SLC10A7: variants seen among roughly 807,000 people sequenced by gnomAD.
SLC10A7 encodes the protein solute carrier family 10 member 7.
Under a neutral mutation model 43.2 loss-of-function variants are expected in SLC10A7, and 29 were observed. That is an observed-to-expected ratio of 0.67 (90% CI 0.50 to 0.92). The LOEUF is 0.92. SLC10A7 is among the 40% of genes least tolerant of loss of function. The pLI is 0.00. For missense variants in SLC10A7, 295 were observed against 403.2 expected, an observed-to-expected ratio of 0.73 and a Z score of 2.30; for synonymous variants, 152 against 144.8, an observed-to-expected ratio of 1.05 and a Z score of -0.35.
At chr4:146,368,690 CAT>C (rs908129258) in intron 5 of SLC10A7, among the ~76,000 whole-genome samples, 5 of 152,174 alleles carry the variant, frequency 3.3e-5, no homozygotes, top group Admixed American at 3.3e-4. Flanking sequence ...CTTTGAGTAA[CAT>C]ATTTTTATCA....
intron 4 of SLC10A7, among the ~76,000 whole-genome samples, chr4:146,488,719 T>C (rs1579317577): frequency 6.6e-6 from 1 of 152,190 alleles, no homozygotes; most frequent in Non-Finnish European, 1.5e-5. Flanking sequence ...CACAAGACTG[T>C]GGCTGTTAAA....
chr4:146,286,295 TGA>T (rs1191535977), intron 9 of SLC10A7, among the ~76,000 whole-genome samples: 1 of 54,638 alleles, frequency 1.8e-5, no homozygotes. Flanking sequence ...TGAGAAGGAC[TGA>T]GTTTGGAGTG....
At chr4:146,466,259 G>C (rs1560935830) in intron 4 of SLC10A7, among the ~76,000 whole-genome samples, 1 of 152,140 alleles carries the variant, frequency 6.6e-6, no homozygotes, top group Non-Finnish European at 1.5e-5. Context: ...TCCAGAAGAA[G>C]ATGTTTAATA....
intron 5 of SLC10A7, among the ~76,000 whole-genome samples, chr4:146,412,860 T>C (rs1166855354): frequency 6.6e-6 from 1 of 152,098 alleles, no homozygotes; most frequent in African/African-American, 2.4e-5. Flanking sequence ...TTATTATATC[T>C]GTTGTCTGTT....
intron 5 of SLC10A7, among the ~76,000 whole-genome samples, chr4:146,391,317 G>T (rs1738410729): frequency 6.6e-6 from 1 of 152,146 alleles, no homozygotes; most frequent in Non-Finnish European, 1.5e-5. Flanking sequence ...AACAATGTCA[G>T]GTCTCCATTT....
At chr4:146,309,036 G>T (rs1333309631) in intron 6 of SLC10A7, among the ~76,000 whole-genome samples, 1 of 152,082 alleles carries the variant, frequency 6.6e-6, no homozygotes, top group African/African-American at 2.4e-5. Flanking sequence ...GCTGAGGTCG[G>T]TGTGCACGCC....
At chr4:146,377,850 A>T (rs538208630) in intron 5 of SLC10A7, among the ~76,000 whole-genome samples, 29 of 152,196 alleles carry the variant, frequency 1.9e-4, no homozygotes, top group Admixed American at 3.9e-4. Flanking sequence ...TCTTTTGAAT[A>T]AAAAAAATAC....
chr4:146,358,861 T>C (rs1179860324), intron 5 of SLC10A7, among the ~76,000 whole-genome samples: 1 of 152,166 alleles, frequency 6.6e-6, no homozygotes, highest in East Asian at 1.9e-4. Flanking sequence ...TGATGAACAT[T>C]TGCATTCATT....
At chr4:146,349,995 A>C (rs1734919983) in intron 5 of SLC10A7, among the ~76,000 whole-genome samples, 1 of 152,102 alleles carries the variant, frequency 6.6e-6, no homozygotes, top group Non-Finnish European at 1.5e-5. Flanking sequence ...ATAAAAGTTG[A>C]AATTAAAAAA....
intron 5 of SLC10A7, among the ~76,000 whole-genome samples, chr4:146,344,119 T>G (rs1734450222): frequency 6.6e-6 from 1 of 152,056 alleles, no homozygotes; most frequent in South Asian, 2.1e-4. Context: ...AAATCAGTTC[T>G]TGAAAGATAA....
intron 5 of SLC10A7, among the ~76,000 whole-genome samples, chr4:146,413,861 TA>T (rs1283598427): frequency 7.2e-5 from 11 of 152,188 alleles, no homozygotes; most frequent in African/African-American, 2.4e-4. Flanking sequence ...GAGATTTTTC[TA>T]AAGTCCTTAA....
chr4:146,445,354 A>G (rs1730955881), intron 4 of SLC10A7, among the ~76,000 whole-genome samples: 1 of 152,128 alleles, frequency 6.6e-6, no homozygotes, highest in South Asian at 2.1e-4. Flanking sequence ...GCGAGCACAC[A>G]AGCAAACGGG....
chr4:146,286,513 T>G (rs1729964611), intron 9 of SLC10A7, among the ~76,000 whole-genome samples: 1 of 151,272 alleles, frequency 6.6e-6, no homozygotes. Context: ...GGACTGTGTT[T>G]GGAGTGGTGA....
chr4:146,289,706 G>GTTTTTT (rs776153195), intron 9 of SLC10A7, among the ~76,000 whole-genome samples: 8 of 88,090 alleles, frequency 9.1e-5, no homozygotes, highest in Non-Finnish European at 1.3e-4. Flanking sequence ...CTGATTATTA[G>GTTTTTT]TTTTTTTTTT....
intron 7 of SLC10A7, among the ~76,000 whole-genome samples, chr4:146,305,724 C>T (rs1030398657): frequency 1.3e-5 from 2 of 151,988 alleles, no homozygotes; most frequent in African/African-American, 4.8e-5. Flanking sequence ...TGCCTATATA[C>T]AGCTAACTGC....
At chr4:146,440,421 A>C (rs140370976) in intron 5 of SLC10A7, among the ~76,000 whole-genome samples, 2 of 152,102 alleles carry the variant, frequency 1.3e-5, no homozygotes, top group Middle Eastern at 3.4e-3. Flanking sequence ...TTGGACCATG[A>C]GGCAGCCTTG....
chr4:146,278,318 A>G (rs1022236894), intron 10 of SLC10A7, among the ~76,000 whole-genome samples: 1 of 152,174 alleles, frequency 6.6e-6, no homozygotes, highest in Admixed American at 6.5e-5. Context: ...TTATTAAGAT[A>G]AGATTCTTTA....
chr4:146,410,244 A>G (rs1013202808), intron 5 of SLC10A7, among the ~76,000 whole-genome samples: 3 of 152,310 alleles, frequency 2.0e-5, no homozygotes, highest in African/African-American at 7.2e-5. Context: ...CCCAAATCTA[A>G]TAATTTCCTC....
At chr4:146,519,010 T>C (rs1479636238) in intron 1 of SLC10A7, among the ~76,000 whole-genome samples, 2 of 139,192 alleles carry the variant, frequency 1.4e-5, no homozygotes, top group African/African-American at 5.3e-5. Context: ...CTCCATAGCC[T>C]GAAACCCTCC....
Sources: allele counts gnomAD v4.1 joint callset (sites outside exome capture counted in the v4.1 genomes callset), GRCh38; gene constraint gnomAD v4.1.1; transcripts MANE v1.5; gene names NCBI Gene and HGNC (gene_info 2026-07-23, HGNC 2026-07-21).